The following ITGA9 variants were observed in gnomAD, a reference collection of about 807,000 sequenced individuals.
ITGA9 encodes the protein integrin subunit alpha 9.
ITGA9 carries 56 observed loss-of-function variants against 127.8 expected under a neutral mutation model. The observed-to-expected ratio is 0.44, with a 90% confidence interval of 0.35 to 0.55. The LOEUF (loss-of-function observed/expected upper bound fraction) is 0.55, where lower values mean the gene tolerates loss of function less well. Ranked by LOEUF, ITGA9 falls within the 20% of genes least tolerant of loss-of-function variation. ITGA9 has a pLI of 0.00. For missense variants in ITGA9, 1,196 were observed against 1,347.1 expected, an observed-to-expected ratio of 0.89 and a Z score of 1.76; for synonymous variants, 508 against 514.5, an observed-to-expected ratio of 0.99 and a Z score of 0.17.
chr3:37,648,905 A>G (rs1029794332), intron 16 of ITGA9, among the ~76,000 whole-genome samples: 2 of 152,270 alleles, frequency 1.3e-5, no homozygotes, highest in African/African-American at 4.8e-5. Context: ...GTTAATGGGT[A>G]CATAATATAA....
At chr3:37,679,372 C>G (rs1415318055) in intron 17 of ITGA9, among the ~76,000 whole-genome samples, 4 of 152,074 alleles carry the variant, frequency 2.6e-5, no homozygotes, top group Non-Finnish European at 5.9e-5. Context: ...TTTGTGGAGT[C>G]CTGTTCCTTT....
rs1324506002 is a variant in ITGA9, at chr3:37,743,932, G to T, written c.2331G>T (p.Met777Ile). The T allele has an allele frequency of 6.2e-7, 1 of 1,611,526 alleles. No individual in the cohort carries two copies. Residue 777 changes from methionine to isoleucine, a missense_variant, in exon 22 of 28, where the codon ATG (methionine) becomes ATT (isoleucine). Physicochemically the swap from Met to Ile is conservative, Grantham distance 10 (BLOSUM62 1). Coordinates refer to ENST00000264741, the MANE Select transcript of ITGA9 (RefSeq NM_002207.3). ...HEVDTSITGI[M>I]SPTSFVYGES... is the part of the protein sequence containing the mutation. Reference sequence around the variant, plus strand: ...TCATGCTTTCCTCTTTCAGAATCATGTCTCCAACCTCCTTTGTATATGGCG... The same window carrying T: ...TCATGCTTTCCTCTTTCAGAATCATTTCTCCAACCTCCTTTGTATATGGCG...
chr3:37,719,684 G>A (rs553386282), intron 18 of ITGA9, among the ~76,000 whole-genome samples: 53 of 152,202 alleles, frequency 3.5e-4, no homozygotes, highest in African/African-American at 1.2e-3. Context: ...GATAGTTAAC[G>A]TCCCCAGTAC....
intron 23 of ITGA9, among the ~76,000 whole-genome samples, chr3:37,776,382 A>G (rs955926977): frequency 2.0e-5 from 3 of 152,250 alleles, no homozygotes; most frequent in Admixed American, 6.5e-5. Context: ...GTTCCCTACC[A>G]TGAATAAAAA....
intron 17 of ITGA9, among the ~76,000 whole-genome samples, chr3:37,654,190 CCACACACA>C (rs67516814): frequency 0.012 from 1,760 of 146,378 alleles, 10 homozygotes; most frequent in Non-Finnish European, 0.019. Flanking sequence ...CCTCCTGCCT[CCACACACA>C]CACACACACA....
intron 11 of ITGA9, among the ~76,000 whole-genome samples, chr3:37,521,481 C>T (rs1699043698): frequency 1.3e-5 from 2 of 152,192 alleles, no homozygotes; most frequent in South Asian, 2.1e-4. Context: ...GGGCATATGG[C>T]GGCCCCTATG....
At chr3:37,470,930 T>C in intron 1 of ITGA9, 77 bp from the exon 2 acceptor site, 1 of 1,471,756 alleles carries the variant, frequency 6.8e-7, no homozygotes, top group Non-Finnish European at 9.5e-7. Flanking sequence ...CCACCCGTGG[T>C]TGGGTGAATA....
chr3:37,593,965 A>G (rs1442327063), intron 15 of ITGA9, among the ~76,000 whole-genome samples: 1 of 152,208 alleles, frequency 6.6e-6, no homozygotes, highest in African/African-American at 2.4e-5. Context: ...ACCAGGGGCA[A>G]GCAGGCTGCC....
chr3:37,542,799 C>T (rs1699287742), intron 15 of ITGA9, among the ~76,000 whole-genome samples: 2 of 152,170 alleles, frequency 1.3e-5, no homozygotes, highest in East Asian at 1.9e-4. Flanking sequence ...TAAGGGGGGT[C>T]GTGGTGGTCT....
At chr3:37,601,112 C>T (rs1055557895) in intron 15 of ITGA9, among the ~76,000 whole-genome samples, 3 of 152,164 alleles carry the variant, frequency 2.0e-5, no homozygotes, top group African/African-American at 7.2e-5. Flanking sequence ...CCTTTAAAGA[C>T]CCACCAGCGA....
chr3:37,592,350 G>C (rs1266416147), intron 15 of ITGA9, among the ~76,000 whole-genome samples: 1 of 152,108 alleles, frequency 6.6e-6, no homozygotes, highest in Non-Finnish European at 1.5e-5. Flanking sequence ...GTGATTCTGG[G>C]ACTGCAGTTG....
At chr3:37,808,798 C>T (rs1410913122) in intron 27 of ITGA9, 1 of 152,210 alleles carries the variant, frequency 6.6e-6, no homozygotes, top group Non-Finnish European at 1.5e-5. Flanking sequence ...TCAGTCAAGT[C>T]CTTCTTCCTC....
At chr3:37,537,090 A>T (rs990808991) in intron 14 of ITGA9, among the ~76,000 whole-genome samples, 4 of 152,354 alleles carry the variant, frequency 2.6e-5, no homozygotes, top group Admixed American at 2.6e-4. Context: ...CGGGTTAACC[A>T]CTTCCTTGGG....
At chr3:37,812,492 G>GCC (rs1697380201) in intron 27 of ITGA9, among the ~76,000 whole-genome samples, 5 of 152,232 alleles carry the variant, frequency 3.3e-5, no homozygotes, top group Non-Finnish European at 7.3e-5. Flanking sequence ...CCAGAACTCA[G>GCC]TCAGGCCTCA....
At chr3:37,484,472 C>T (rs1698589231) in intron 4 of ITGA9, among the ~76,000 whole-genome samples, 1 of 152,132 alleles carries the variant, frequency 6.6e-6, no homozygotes, top group African/African-American at 2.4e-5. Flanking sequence ...ACCATTATTT[C>T]CTCAATGTGG....
chr3:37,537,741 C>T (rs1374834227), intron 14 of ITGA9, among the ~76,000 whole-genome samples: 1 of 152,202 alleles, frequency 6.6e-6, no homozygotes, highest in Non-Finnish European at 1.5e-5. Flanking sequence ...CTCCGGGCCC[C>T]TTGTGTGGCA....
intron 27 of ITGA9, among the ~76,000 whole-genome samples, chr3:37,811,724 G>C (rs1435597458): frequency 1.3e-5 from 2 of 152,218 alleles, no homozygotes; most frequent in Non-Finnish European, 1.5e-5. Context: ...AACCGAGATG[G>C]TTTGGAGCAA....
At chr3:37,735,597 T>A (rs1213220876) in intron 19 of ITGA9, among the ~76,000 whole-genome samples, 1 of 152,228 alleles carries the variant, frequency 6.6e-6, no homozygotes, top group Non-Finnish European at 1.5e-5. Context: ...CCTCCTTTTT[T>A]TATTGAAATG....
intron 23 of ITGA9, among the ~76,000 whole-genome samples, chr3:37,771,041 T>C (rs1575230021): frequency 1.3e-5 from 2 of 152,310 alleles, no homozygotes; most frequent in East Asian, 3.9e-4. Context: ...TGAAGTCCTT[T>C]TGTTCAAATT....
Sources: gnomAD v4.1 joint callset for allele counts (sites outside exome capture counted in the v4.1 genomes callset) on GRCh38, gnomAD v4.1.1 for gene constraint, MANE v1.5 for transcripts, NCBI Gene and HGNC (gene_info 2026-07-23, HGNC 2026-07-21) for gene names.